The following SLC9A9 variants were observed in gnomAD, a reference collection of about 807,000 sequenced individuals.
The protein encoded by SLC9A9 is sodium/hydrogen exchanger 9.
A neutral mutation model predicts 77.8 loss-of-function variants in SLC9A9; 62 were observed. The observed-to-expected ratio is 0.80, with a 90% confidence interval of 0.65 to 0.98. The LOEUF is 0.98. Among genes scored for constraint, SLC9A9 ranks in the 50% least tolerant of loss-of-function variants. The pLI is 0.00. For synonymous variants in SLC9A9, 320 were observed against 283.5 expected, an observed-to-expected ratio of 1.13 and a Z score of -1.29; for missense variants, 775 against 774.9, an observed-to-expected ratio of 1.00 and a Z score of 0.00.
chr3:143,697,820 AC>A (rs1395193887), intron 4 of SLC9A9, among the ~76,000 whole-genome samples: 1 of 152,170 alleles, frequency 6.6e-6, no homozygotes, highest in East Asian at 1.9e-4. Context: ...TTGAGATAAT[AC>A]AAAAAATAAA....
chr3:143,803,284 C>A (rs926177541), intron 2 of SLC9A9, among the ~76,000 whole-genome samples: 4 of 152,158 alleles, frequency 2.6e-5, no homozygotes, highest in South Asian at 2.1e-4. Context: ...CAGTAACAAC[C>A]CTTATGAGCC....
intron 4 of SLC9A9, among the ~76,000 whole-genome samples, chr3:143,787,946 TGAA>T (rs1252585273): frequency 6.6e-6 from 1 of 151,998 alleles, no homozygotes; most frequent in South Asian, 2.1e-4. Flanking sequence ...AAGGTACTCC[TGAA>T]GAAGAAGATC....
intron 6 of SLC9A9, among the ~76,000 whole-genome samples, chr3:143,648,222 A>G (rs755957149): frequency 5.3e-5 from 8 of 152,212 alleles, no homozygotes; most frequent in Non-Finnish European, 1.2e-4. Flanking sequence ...GTTTATGGCC[A>G]TACAAAATCA....
intron 14 of SLC9A9, among the ~76,000 whole-genome samples, chr3:143,354,681 C>T (rs1013444456): frequency 6.6e-6 from 1 of 152,162 alleles, no homozygotes; most frequent in South Asian, 2.1e-4. Flanking sequence ...ACTCTTTTTT[C>T]ATGGGAAACA....
intron 14 of SLC9A9, among the ~76,000 whole-genome samples, chr3:143,299,122 C>A (rs908700852): frequency 6.6e-6 from 1 of 152,076 alleles, no homozygotes; most frequent in Non-Finnish European, 1.5e-5. Context: ...ACTGCCCAAG[C>A]AGGAAGTGGG....
At chr3:143,641,202 G>C (rs1434270257) in intron 6 of SLC9A9, among the ~76,000 whole-genome samples, 1 of 152,032 alleles carries the variant, frequency 6.6e-6, no homozygotes, top group Non-Finnish European at 1.5e-5. Flanking sequence ...ACAAAGAAGA[G>C]AGCCTAAAAT....
At chr3:143,429,458 C>T (rs2034469651) in intron 12 of SLC9A9, among the ~76,000 whole-genome samples, 1 of 152,168 alleles carries the variant, frequency 6.6e-6, no homozygotes, top group Non-Finnish European at 1.5e-5. Flanking sequence ...GAAGGTAGAA[C>T]AGATAAAAGG....
intron 12 of SLC9A9, among the ~76,000 whole-genome samples, chr3:143,433,844 A>G (rs996138066): frequency 2.0e-5 from 3 of 152,242 alleles, no homozygotes; most frequent in Non-Finnish European, 2.9e-5. Context: ...GAAGGTGCAT[A>G]TGAAACCTTT....
intron 5 of SLC9A9, among the ~76,000 whole-genome samples, chr3:143,664,278 G>A (rs150358782): frequency 0.014 from 2,076 of 152,286 alleles, 17 homozygotes; most frequent in Non-Finnish European, 0.023. Context: ...ACAAGCAAAT[G>A]CTGAGAGGTT....
intron 14 of SLC9A9, among the ~76,000 whole-genome samples, chr3:143,307,063 T>A (rs2030819335): frequency 6.6e-6 from 1 of 152,374 alleles, no homozygotes; most frequent in East Asian, 1.9e-4. Context: ...ATGAAACTTA[T>A]GGTGCCATAG....
At chr3:143,426,014 C>T (rs2034398905) in intron 12 of SLC9A9, among the ~76,000 whole-genome samples, 1 of 151,770 alleles carries the variant, frequency 6.6e-6, no homozygotes, top group Admixed American at 6.6e-5. Context: ...TTTGATGTAC[C>T]TTCAAGATTC....
chr3:143,510,663 C>T (rs72991961), intron 9 of SLC9A9, among the ~76,000 whole-genome samples: 3,091 of 152,134 alleles, frequency 0.02, 100 homozygotes, highest in African/African-American at 0.069. Context: ...CTAATTATGC[C>T]CATTTTAAAT....
At chr3:143,505,526 A>T (rs2035999068) in intron 9 of SLC9A9, among the ~76,000 whole-genome samples, 1 of 152,162 alleles carries the variant, frequency 6.6e-6, no homozygotes, top group African/African-American at 2.4e-5. Context: ...GTAGTAGAGG[A>T]GGTGCACCAC....
chr3:143,494,491 C>A (rs1421239944), intron 10 of SLC9A9, among the ~76,000 whole-genome samples: 1 of 152,184 alleles, frequency 6.6e-6, no homozygotes, highest in Non-Finnish European at 1.5e-5. Context: ...CAGCTGAATG[C>A]TCAATGAAAA....
intron 4 of SLC9A9, among the ~76,000 whole-genome samples, chr3:143,756,697 C>T (rs919217404): frequency 4.6e-5 from 7 of 152,150 alleles, no homozygotes; most frequent in African/African-American, 9.7e-5. Flanking sequence ...GGAATAGTCA[C>T]ATTATAAAAC....
intron 14 of SLC9A9, among the ~76,000 whole-genome samples, chr3:143,273,223 T>G (rs914610398): frequency 1.3e-5 from 2 of 152,238 alleles, no homozygotes; most frequent in African/African-American, 2.4e-5. Context: ...AATGAGCACC[T>G]GCTCCTTTGA....
chr3:143,745,367 T>C (rs1364335797), intron 4 of SLC9A9, among the ~76,000 whole-genome samples: 1 of 152,258 alleles, frequency 6.6e-6, no homozygotes. Flanking sequence ...TTTGAATAAC[T>C]AGTTTAAATT....
chr3:143,567,876 C>T (rs1489588404), intron 8 of SLC9A9, among the ~76,000 whole-genome samples: 1 of 152,124 alleles, frequency 6.6e-6, no homozygotes, highest in Non-Finnish European at 1.5e-5. Context: ...GTTCGTTTAT[C>T]AGTATGCACC....
In SLC9A9 at chr3:143,794,869, A is replaced by G. The variant is rs535253871; in HGVS notation, c.533+132T>C. On this transcript the variant is annotated intron_variant, in intron 4 of 15. Coordinates refer to ENST00000316549, the MANE Select transcript of SLC9A9 (RefSeq NM_173653.4). ...GAAGCCGTGGAATTAAGTCAGAAAA[A>G]ACATACAAATATGTGATATACTAAA... 7.3e-4 allele frequency: 604 copies of G among 822,570 alleles called. 2 individuals carry two copies. The highest frequency in any genetic ancestry group is 1.2e-3 in the Non-Finnish European group (574 of 484,076). The allele number at this position is 822,570 out of a possible 1,614,324, so 51.0% of individuals were successfully genotyped here.
Sources: allele counts gnomAD v4.1 joint callset (sites outside exome capture counted in the v4.1 genomes callset), GRCh38; gene constraint gnomAD v4.1.1; transcripts MANE v1.5; gene names NCBI Gene and HGNC (gene_info 2026-07-23, HGNC 2026-07-21).